The following PCDHA2 variants were observed in gnomAD, a reference collection of about 807,000 sequenced individuals.
PCDHA2 encodes the protein protocadherin alpha-2.
In PCDHA2, 58 loss-of-function variants were observed where a neutral mutation model predicts 66.0. The observed-to-expected ratio is 0.88, with a 90% CI of 0.71 to 1.09. The LOEUF (loss-of-function observed/expected upper bound fraction) is 1.09, where lower values mean the gene tolerates loss of function less well. Among genes scored for constraint, PCDHA2 ranks in the 50% least tolerant of loss-of-function variants. The pLI is 0.00. For missense variants in PCDHA2, 1,267 were observed against 1,242.3 expected, an observed-to-expected ratio of 1.02 and a Z score of -0.30; for synonymous variants, 634 against 554.0, an observed-to-expected ratio of 1.14 and a Z score of -2.03.
chr5:140,988,847 C>A (rs2097315589), intron 3 of PCDHA2: 1 of 152,186 alleles, frequency 6.6e-6, no homozygotes, highest in African/African-American at 2.4e-5. Context: ...CTCCTGAAAC[C>A]TATCCAGTCT....
chr5:140,999,934 T>C (rs1236304987), intron 3 of PCDHA2, among the ~76,000 whole-genome samples: 1 of 152,068 alleles, frequency 6.6e-6, no homozygotes, highest in Non-Finnish European at 1.5e-5. Context: ...GCTCAACTCA[T>C]TCCACCCAAA....
intron 1 of PCDHA2, among the ~76,000 whole-genome samples, chr5:140,912,304 C>T (rs904729298): frequency 6.6e-6 from 1 of 151,998 alleles, no homozygotes; most frequent in Admixed American, 6.6e-5. Flanking sequence ...TCCTGTAATC[C>T]AGTCAAGTTG....
rs2150422105 is a variant in PCDHA2 at position 140,848,832 on chromosome 5, C to G, written c.2388+51480C>G. On this transcript the variant is annotated intron_variant, in intron 1 of 3. Transcript: ENST00000526136. ...CCACCTGGAGGTGATCGTAGACAGG[C>G]CGCTGCAGGTTTTCCATGTGGACGT... is the stretch of plus-strand genomic sequence containing the variant. 3.8e-6 allele frequency: 6 copies of G among 1,590,118 alleles called. 1 individual carries two copies. Among genetic ancestry groups the G allele is most frequent in the Non-Finnish European group, 5.2e-6 (6 of 1,161,950 alleles).
chr5:140,949,313 A>G (rs989940621), intron 1 of PCDHA2, among the ~76,000 whole-genome samples: 1 of 151,952 alleles, frequency 6.6e-6, no homozygotes, highest in Non-Finnish European at 1.5e-5. Context: ...GTAATGATTT[A>G]TAAATATAAA....
chr5:140,803,402 C>G (rs782398049), intron 1 of PCDHA2: 2 of 1,614,114 alleles, frequency 1.2e-6, no homozygotes, highest in Non-Finnish European at 8.5e-7. Flanking sequence ...GTGGGCCGGG[C>G]AAGCCCACGC....
chr5:140,988,551 ATCT>A (rs1472655983), intron 3 of PCDHA2, among the ~76,000 whole-genome samples: 4 of 152,158 alleles, frequency 2.6e-5, no homozygotes, highest in South Asian at 2.1e-4. Flanking sequence ...GACTTTCTTC[ATCT>A]TCTTCTTGGG....
At chr5:140,905,635 A>T (rs2071990855) in intron 1 of PCDHA2, among the ~76,000 whole-genome samples, 1 of 152,206 alleles carries the variant, frequency 6.6e-6, no homozygotes, top group Non-Finnish European at 1.5e-5. Context: ...CAGTATGGTC[A>T]GTTTCACAGT....
At chr5:140,803,487 T>G (rs1562194564) in intron 1 of PCDHA2, 2 of 1,614,116 alleles carry the variant, frequency 1.2e-6, no homozygotes, top group Non-Finnish European at 1.7e-6. Context: ...TGGAGAGGGG[T>G]TGCCCAAGAC....
At chr5:140,968,569 C>A in intron 1 of PCDHA2, 1 of 1,614,204 alleles carries the variant, frequency 6.2e-7, no homozygotes, top group Middle Eastern at 1.7e-4. Flanking sequence ...CCCCTGCTGG[C>A]TACCTGGTCA....
intron 1 of PCDHA2, chr5:140,857,619 A>G: frequency 6.3e-7 from 1 of 1,596,352 alleles, no homozygotes; most frequent in Non-Finnish European, 8.6e-7. Flanking sequence ...CCGCTGGACC[A>G]CGAGGAGCTG....
Position 140,796,394 on chromosome 5 carries a change from T to A in PCDHA2, c.1430T>A (p.Val477Glu), listed in dbSNP as rs1176150455. The change falls in exon 1 of 4, where the codon GTG (valine) becomes GAG (glutamate). Residue 477 changes from valine to glutamate, a missense_variant. Val to Glu is a moderately radical substitution (Grantham distance 121). Transcript: ENST00000526136. ...CCGCCGGGCTGCCACATCTTCACGG[T>A]GTCAGCGTGGGATGCGGACGCGCAG... ...NNPPGCHIFTVSAWDADAQEN... is the reference protein window; with the variant it reads ...NNPPGCHIFTESAWDADAQEN... The A allele has an allele frequency of 2.5e-6, 4 of 1,613,400 alleles. No individual in the cohort carries two copies. The Admixed American group carries it at 6.7e-5, about 27-fold the overall frequency.
chr5:140,857,611 G>C, intron 1 of PCDHA2: 2 of 1,596,436 alleles, frequency 1.3e-6, no homozygotes, highest in Non-Finnish European at 1.7e-6. Flanking sequence ...CGCTGCAGCC[G>C]CTGGACCACG....
chr5:140,928,219 C>T (rs2153594773), intron 1 of PCDHA2: 1 of 1,614,166 alleles, frequency 6.2e-7, no homozygotes, highest in African/African-American at 1.3e-5. Flanking sequence ...TGACAATACA[C>T]CAAACTTTCC....
At chr5:140,915,533 G>C (rs1200323853) in intron 1 of PCDHA2, among the ~76,000 whole-genome samples, 1 of 152,018 alleles carries the variant, frequency 6.6e-6, no homozygotes, top group Non-Finnish European at 1.5e-5. Flanking sequence ...GTACCATCTT[G>C]GAGGTCTTGA....
Position 140,842,830 on chromosome 5 carries a change from G to C in PCDHA2, c.2388+45478G>C. On this transcript the variant is annotated intron_variant, in intron 1 of 3. Transcript: ENST00000526136. Reference sequence around the variant, plus strand: ...TGGAGCGGCGGGTGGGCGAGCGCTCGCTGTCGAGCTACATTTCGGTGCACA... The same window carrying C: ...TGGAGCGGCGGGTGGGCGAGCGCTCCCTGTCGAGCTACATTTCGGTGCACA... 2.4e-5 allele frequency: 39 copies of C among 1,593,780 alleles called. 3 individuals carry two copies. The highest frequency in any genetic ancestry group is 3.2e-5 in the Non-Finnish European group (37 of 1,165,316).
chr5:140,913,117 GT>G (rs1393810466), intron 1 of PCDHA2, among the ~76,000 whole-genome samples: 23 of 152,262 alleles, frequency 1.5e-4, no homozygotes, highest in Admixed American at 5.2e-4. Flanking sequence ...CAGTTTGGAA[GT>G]TAACCCCTCC....
intron 1 of PCDHA2, chr5:140,808,881 T>G (rs1344157467): frequency 2.5e-6 from 4 of 1,613,196 alleles, no homozygotes; most frequent in Non-Finnish European, 3.4e-6. Context: ...GCGCCAGCAC[T>G]GCTAGCGCCT....
intron 1 of PCDHA2, among the ~76,000 whole-genome samples, chr5:140,831,996 A>G (rs1771793071): frequency 6.6e-6 from 1 of 152,198 alleles, no homozygotes; most frequent in Non-Finnish European, 1.5e-5. Context: ...CGGATTCCAT[A>G]TTGTTTTCAT....
At chr5:140,853,997 T>C in intron 1 of PCDHA2, 1 of 465,218 alleles carries the variant, frequency 2.1e-6, no homozygotes, top group Non-Finnish European at 2.9e-6. Flanking sequence ...GACTCATCTC[T>C]GCCAAAAAAA....
Sources: gnomAD v4.1 joint callset for allele counts (sites outside exome capture counted in the v4.1 genomes callset) on GRCh38, gnomAD v4.1.1 for gene constraint, MANE v1.5 for transcripts, NCBI Gene and HGNC (gene_info 2026-07-23, HGNC 2026-07-21) for gene names.